The following AURKA variants were observed in gnomAD, a reference collection of about 807,000 sequenced individuals.
AURKA encodes the protein aurora 2.
Under a neutral mutation model 40.9 loss-of-function variants are expected in AURKA, and 12 were observed. That is an observed-to-expected ratio of 0.29 (90% CI 0.19 to 0.48). AURKA has a LOEUF of 0.48. Among genes scored for constraint, AURKA ranks in the 20% least tolerant of loss-of-function variants. The probability of loss-of-function intolerance (pLI) is 0.99; values close to 1 mark genes in which losing one functional copy is unlikely to be tolerated. For synonymous variants in AURKA, 170 were observed against 164.3 expected, an observed-to-expected ratio of 1.03 and a Z score of -0.26; for missense variants, 322 against 462.1, an observed-to-expected ratio of 0.70 and a Z score of 2.78.
rs200181472 is a variant in AURKA, at chr20:56,370,486, C to T, written c.1028G>A (p.Arg343Gln). The T allele has an allele frequency of 1.3e-4, 212 of 1,614,054 alleles. No individual in the cohort carries two copies. Among genetic ancestry groups the T allele is most frequent in the Non-Finnish European group, 1.1e-4 (128 of 1,180,042 alleles). ...GGGTCCTTTTCAGTTGCGTCTTACC[C>T]GTGATATTCTTTTGTAGGTCTCTTG... ...TYQETYKRIS[R>Q]VEFTFPDFVT... Residue 343 changes from arginine to glutamine, a missense_variant and splice_region_variant, in exon 8 of 9, where the codon CGG (arginine) becomes CAG (glutamine). By Grantham distance (43) the Arg-to-Gln change is conservative. Coordinates refer to ENST00000395915, the MANE Select transcript of AURKA (RefSeq NM_198437.3).
At chr20:56,388,289 A>C in intron 1 of AURKA, 87 bp from the exon 2 acceptor site, 1 of 1,144,328 alleles carries the variant, frequency 8.7e-7, no homozygotes, top group South Asian at 1.2e-5. Flanking sequence ...CAGTTCCCCA[A>C]TCAAAAGGCC....
rs1053995896 is a variant in AURKA at position 56,387,152 on chromosome 20, G to GTAT, written c.43-622_43-620dup. 3.3e-5 allele frequency among the ~76,000 whole-genome samples: 5 copies of GTAT among 152,100 alleles called. No homozygotes were observed. In the East Asian group the frequency reaches 7.7e-4, roughly 23 times the overall value. ...CACTTCACAAAGTTACTACTAAAAT[G>GTAT]TATTATTATTATTATTTTTGAGATG... On this transcript the variant is annotated intron_variant, in intron 2 of 8. Coordinates refer to ENST00000395915, the MANE Select transcript of AURKA (RefSeq NM_198437.3).
chr20:56,371,595 G>T (rs1315566784), intron 7 of AURKA, among the ~76,000 whole-genome samples: 1 of 151,820 alleles, frequency 6.6e-6, no homozygotes, highest in Non-Finnish European at 1.5e-5. Context: ...TAAAGTGGGA[G>T]ACTGGTCTGG....
At chr20:56,384,084 T>A (rs1329730698) in intron 4 of AURKA, among the ~76,000 whole-genome samples, 186 bp downstream of exon 4, 1 of 152,182 alleles carries the variant, frequency 6.6e-6, no homozygotes, top group Non-Finnish European at 1.5e-5. Flanking sequence ...AGCACTTGAG[T>A]TCCTAGTAAA....
Position 56,382,985 on chromosome 20 carries a change from C to T in AURKA, c.566G>A (p.Arg189Gln), listed in dbSNP as rs771707391. ...RREVEIQSHL[R>Q]HPNILRLYGY... The stretch of plus-strand genomic sequence containing the variant: ...TTTGAACATGAACCTGAAAACTCAC[C>T]GAAGGTGGGACTGTATTTCTACTTC... The change falls in exon 5 of 9, where the codon CGG becomes CAG. Residue 189 changes from arginine (R) to glutamine (Q), a missense_variant and splice_region_variant. Coordinates refer to ENST00000395915, the MANE Select transcript of AURKA (RefSeq NM_198437.3). 1 of 1,613,500 alleles carries T rather than the reference C, an allele frequency of 6.2e-7. No individual in the cohort carries two copies. Among genetic ancestry groups the T allele is most frequent in the Admixed American group, 1.7e-5 (1 of 59,990 alleles).
At chr20:56,390,660 G>C (rs1229581199) in intron 1 of AURKA, 1 of 141,338 alleles carries the variant, frequency 7.1e-6, no homozygotes, top group Non-Finnish European at 1.5e-5. Flanking sequence ...GCAATGGAGT[G>C]AGACCCTGTC....
chr20:56,378,533 T>C lies in AURKA; in HGVS notation c.705+2900A>G, dbSNP rs141751435. ...ATGAGCTGGCAATAGCACTCCTATA[T>C]ATGTGCCCAACTAATTTGAAGACTT... On this transcript the variant is annotated intron_variant, in intron 6 of 8. Coordinates refer to ENST00000395915, the MANE Select transcript of AURKA (RefSeq NM_198437.3). Among the ~76,000 whole-genome samples, 573 of 152,312 alleles carry C rather than the reference T, an allele frequency of 3.8e-3. 5 individuals carry two copies. Among genetic ancestry groups the C allele is most frequent in the African/African-American group, 0.013 (541 of 41,558 alleles).
At chr20:56,392,015 G>A (rs565161281) in intron 1 of AURKA, 153 bp downstream of exon 1, 1 of 151,980 alleles carries the variant, frequency 6.6e-6, no homozygotes, top group African/African-American at 2.4e-5. Context: ...CAAAGGCGCT[G>A]GGCGGGCACA....
At chr20:56,381,350 C>T in intron 6 of AURKA, 83 bp downstream of exon 6, 1 of 1,559,282 alleles carries the variant, frequency 6.4e-7, no homozygotes, top group African/African-American at 1.4e-5. Flanking sequence ...ACAAAACCCA[C>T]TCTACTATGA....
chr20:56,379,724 G>T (rs977682336), intron 6 of AURKA, among the ~76,000 whole-genome samples: 1 of 152,166 alleles, frequency 6.6e-6, no homozygotes, highest in South Asian at 2.1e-4. Context: ...CACTTTGGGA[G>T]GCTGAGGCGG....
intron 3 of AURKA, among the ~76,000 whole-genome samples, chr20:56,385,169 C>A (rs925119974): frequency 6.6e-6 from 1 of 152,210 alleles, no homozygotes; most frequent in African/African-American, 2.4e-5. Flanking sequence ...TCCATCCTGG[C>A]TTGTCTTTGG....
Position 56,370,477 on chromosome 20 carries a change from C to A in AURKA, c.1029+8G>T. 2 of 1,614,142 alleles carry A rather than the reference C, an allele frequency of 1.2e-6. No individual in the cohort carries two copies. The highest frequency in any genetic ancestry group is 1.7e-6 in the Non-Finnish European group (2 of 1,180,024). On this transcript the variant is annotated splice_region_variant and intron_variant, in intron 8 of 8. Coordinates refer to ENST00000395915, the MANE Select transcript of AURKA (RefSeq NM_198437.3). ...AGATGTGCTGGGTCCTTTTCAGTTG[C>A]GTCTTACCCGTGATATTCTTTTGTA...
chr20:56,375,821 T>C (rs1429557978), intron 6 of AURKA, among the ~76,000 whole-genome samples: 1 of 152,244 alleles, frequency 6.6e-6, no homozygotes, highest in Non-Finnish European at 1.5e-5. Flanking sequence ...AGTTTCATGA[T>C]AGCCCTCTGG....
intron 6 of AURKA, among the ~76,000 whole-genome samples, chr20:56,376,281 T>C (rs1273921853): frequency 6.6e-6 from 1 of 152,198 alleles, no homozygotes; most frequent in Non-Finnish European, 1.5e-5. Context: ...GATTTACTTA[T>C]TGATCTGTAA....
intron 1 of AURKA, among the ~76,000 whole-genome samples, chr20:56,391,172 G>A (rs925246012): frequency 3.9e-5 from 6 of 152,206 alleles, no homozygotes; most frequent in Admixed American, 3.9e-4. Context: ...AATAGCGCAG[G>A]AGGTTTATAC....
intron 1 of AURKA, chr20:56,388,558 T>A (rs1986668320): frequency 3.5e-6 from 1 of 286,140 alleles, no homozygotes; most frequent in Non-Finnish European, 6.7e-6. Flanking sequence ...ACACCTGTAA[T>A]CCCAGCATTT....
At position 56,371,393 on chromosome 20, in the gene AURKA, C is replaced by G. The variant is rs376153557; in HGVS notation, c.855-734G>C. The stretch of plus-strand genomic sequence containing the variant: ...AGAAGAATGGCGTGAACCCGGGAGG[C>G]GAGCTTGTAGTGAGCCAAGATCGCA... On this transcript the variant is annotated intron_variant, in intron 7 of 8. Transcript: ENST00000395915. Among the ~76,000 whole-genome samples the G allele has an allele frequency of 6.7e-3, 1,019 of 151,156 alleles. 4 individuals carry two copies. Among genetic ancestry groups the G allele is most frequent in the Non-Finnish European group, 0.013 (849 of 67,880 alleles).
In AURKA at chr20:56,370,058, G is replaced by T. The variant is rs1983900104; in HGVS notation, c.*100C>A. 2.8e-6 allele frequency: 4 copies of T among 1,434,564 alleles called. No homozygotes were observed. The highest frequency in any genetic ancestry group is 3.9e-6 in the Non-Finnish European group (4 of 1,020,702). 88.9% of individuals were successfully genotyped at this position (1,434,564 alleles called of 1,614,324 possible). On this transcript the variant is annotated 3_prime_UTR_variant, in exon 9 of 9. Coordinates refer to ENST00000395915, the MANE Select transcript of AURKA (RefSeq NM_198437.3). ...CAAATATTTCTTGTGTAGCGTTCTA[G>T]ATTGAGGGCAGCAGTCAATGGTAAA...
chr20:56,381,574 G>A lies in AURKA; in HGVS notation c.567-3C>T. 1 of 1,613,442 alleles carries A rather than the reference G, an allele frequency of 6.2e-7. No homozygotes were observed. ...ACAGTCTAAGAATATTAGGATGCCTGCAACAAAGGATAAACATTCTAACAC... is the reference window on the plus strand; with the variant it reads ...ACAGTCTAAGAATATTAGGATGCCTACAACAAAGGATAAACATTCTAACAC... On this transcript the variant is annotated splice_polypyrimidine_tract_variant and splice_region_variant and intron_variant, in intron 5 of 8. Transcript: ENST00000395915.
Sources: gnomAD v4.1 joint callset for allele counts (sites outside exome capture counted in the v4.1 genomes callset) on GRCh38, gnomAD v4.1.1 for gene constraint, MANE v1.5 for transcripts, NCBI Gene and HGNC (gene_info 2026-07-23, HGNC 2026-07-21) for gene names.